HCRTR2: variants seen among roughly 807,000 people sequenced by gnomAD.
HCRTR2 encodes orexin receptor type 2.
Under a neutral mutation model 49.0 loss-of-function variants are expected in HCRTR2, and 22 were observed. That is an observed-to-expected ratio of 0.45 (90% CI 0.32 to 0.64). The LOEUF is 0.64. Among genes scored for constraint, HCRTR2 ranks in the 30% least tolerant of loss-of-function variants. The pLI is 0.04. For missense variants in HCRTR2, 491 were observed against 559.4 expected (o/e 0.88, Z 1.23); for synonymous variants, 236 against 205.3 (o/e 1.15, Z -1.28).
intron 1 of HCRTR2, 142 bp from the exon 2 acceptor site, chr6:55,248,497 A>G: frequency 2.8e-6 from 2 of 710,054 alleles, no homozygotes; most frequent in Non-Finnish European, 5.1e-6. Context: ...AGATTGACAG[A>G]TTCAGTGAAA....
chr6:55,144,980 T>C (rs1194924714), intron 1 of HCRTR2, among the ~76,000 whole-genome samples: 2 of 152,168 alleles, frequency 1.3e-5, no homozygotes, highest in African/African-American at 4.8e-5. Context: ...TTTTTCTTTT[T>C]TAAATTAATT....
At chr6:55,242,264 A>G (rs1766350560) in intron 1 of HCRTR2, among the ~76,000 whole-genome samples, 1 of 152,168 alleles carries the variant, frequency 6.6e-6, no homozygotes, top group Admixed American at 6.5e-5. Context: ...CATTAAGTAT[A>G]TTCACCTTAT....
chr6:55,154,500 C>T (rs2127259419), intron 1 of HCRTR2, among the ~76,000 whole-genome samples: 1 of 151,658 alleles, frequency 6.6e-6, no homozygotes, highest in Non-Finnish European at 1.5e-5. Context: ...ACCACTTTAA[C>T]AAAATGAAGG....
intron 1 of HCRTR2, among the ~76,000 whole-genome samples, chr6:55,122,868 C>G (rs1174696412): frequency 6.8e-6 from 1 of 147,618 alleles, no homozygotes; most frequent in East Asian, 2.0e-4. Context: ...ATCGCAAGGA[C>G]AAAAAACCAA....
chr6:55,167,706 C>T (rs529743086), intron 1 of HCRTR2, among the ~76,000 whole-genome samples: 4 of 152,110 alleles, frequency 2.6e-5, no homozygotes, highest in Non-Finnish European at 5.9e-5. Flanking sequence ...TCAGAGCACC[C>T]GACGATAATG....
At chr6:55,157,556 C>T (rs1466254586) in intron 1 of HCRTR2, among the ~76,000 whole-genome samples, 1 of 152,170 alleles carries the variant, frequency 6.6e-6, no homozygotes, top group Non-Finnish European at 1.5e-5. Context: ...AGCCAGATAG[C>T]AGTTACCATG....
intron 1 of HCRTR2, among the ~76,000 whole-genome samples, chr6:55,209,009 A>G (rs1419899885): frequency 1.3e-5 from 2 of 152,214 alleles, no homozygotes; most frequent in Non-Finnish European, 2.9e-5. Context: ...ACTTATCATG[A>G]TTCTTTTATT....
intron 1 of HCRTR2, among the ~76,000 whole-genome samples, chr6:55,185,845 C>T (rs1013290548): frequency 2.0e-5 from 3 of 152,170 alleles, no homozygotes; most frequent in Admixed American, 6.5e-5. Context: ...AGACAATATT[C>T]CTTGACAATC....
At chr6:55,178,912 G>A (rs1434436732) in intron 1 of HCRTR2, among the ~76,000 whole-genome samples, 1 of 152,160 alleles carries the variant, frequency 6.6e-6, no homozygotes, top group Non-Finnish European at 1.5e-5. Context: ...GTTGTTGATA[G>A]GCAGGTCTAT....
intron 1 of HCRTR2, among the ~76,000 whole-genome samples, chr6:55,229,926 T>C (rs1766082443): frequency 6.6e-6 from 1 of 152,094 alleles, no homozygotes; most frequent in South Asian, 2.1e-4. Flanking sequence ...TAAAATGAAA[T>C]GAAATATACA....
At chr6:55,239,547 TATTA>T (rs1766280760) in intron 1 of HCRTR2, among the ~76,000 whole-genome samples, 1 of 152,202 alleles carries the variant, frequency 6.6e-6, no homozygotes, top group Non-Finnish European at 1.5e-5. Context: ...CAAGACAAAT[TATTA>T]ATTGTGATAT....
chr6:55,241,937 C>G (rs1015889224), intron 1 of HCRTR2, among the ~76,000 whole-genome samples: 1 of 143,240 alleles, frequency 7.0e-6, no homozygotes, highest in East Asian at 2.0e-4. Flanking sequence ...GGTGAAATCT[C>G]GGCTCACTGC....
chr6:55,171,942 C>T (rs979157759), upstream of HCRTR2, among the ~76,000 whole-genome samples: 2 of 152,068 alleles, frequency 1.3e-5, no homozygotes, highest in Non-Finnish European at 2.9e-5. Context: ...GAATATAGAT[C>T]CGAACTTAAG....
chr6:55,258,825 G>A (rs1766700978), intron 3 of HCRTR2, among the ~76,000 whole-genome samples: 1 of 152,088 alleles, frequency 6.6e-6, no homozygotes, highest in Non-Finnish European at 1.5e-5. Context: ...GGCCGAGATG[G>A]GCGGATCATG....
intron 1 of HCRTR2, among the ~76,000 whole-genome samples, chr6:55,141,754 A>T (rs1764511141): frequency 6.6e-6 from 1 of 152,222 alleles, no homozygotes; most frequent in South Asian, 2.1e-4. Flanking sequence ...GAAATAAGGC[A>T]GGAAATAAAA....
upstream of HCRTR2, among the ~76,000 whole-genome samples, chr6:55,171,888 C>T (rs1209561102): frequency 6.6e-6 from 1 of 152,050 alleles, no homozygotes; most frequent in East Asian, 1.9e-4. Flanking sequence ...AGACTGGGTC[C>T]ATATTTATAG....
At chr6:55,141,832 C>A (rs1054128670) in intron 1 of HCRTR2, among the ~76,000 whole-genome samples, 1 of 151,940 alleles carries the variant, frequency 6.6e-6, no homozygotes, top group Non-Finnish European at 1.5e-5. Flanking sequence ...CAGAACATTG[C>A]AAATATTACA....
In HCRTR2 at chr6:55,174,562, T is replaced by A. The variant is rs1199065100; in HGVS notation, c.-26T>A. On this transcript the variant is annotated 5_prime_UTR_variant, in exon 1 of 7. An upstream open reading frame in the 5' UTR loses its in-frame stop. Coordinates refer to ENST00000370862, the MANE Select transcript of HCRTR2 (RefSeq NM_001384272.1). The stretch of plus-strand genomic sequence containing the variant: ...GCAGGCGGAGAGGAGCTTGCAGCAT[T>A]GAGCGGAACCGGACTTGAGCCCGTG... The A allele has an allele frequency of 1.3e-6, 2 of 1,590,032 alleles. No homozygotes were observed. The highest frequency in any genetic ancestry group is 2.7e-5 in the African/African-American group (2 of 74,392).
chr6:55,282,843 G>A (rs576154688), downstream of HCRTR2, among the ~76,000 whole-genome samples: 14 of 151,772 alleles, frequency 9.2e-5, no homozygotes, highest in South Asian at 2.1e-4. Context: ...AAAAGAAGTA[G>A]CAATTACTAA....
Sources: allele counts gnomAD v4.1 joint callset (sites outside exome capture counted in the v4.1 genomes callset), GRCh38; gene constraint gnomAD v4.1.1; transcripts MANE v1.5; gene names NCBI Gene and HGNC (gene_info 2026-07-23, HGNC 2026-07-21).